CLYBL: variants seen among roughly 807,000 people sequenced by gnomAD.
CLYBL encodes the protein citramalyl-CoA lyase, mitochondrial.
In CLYBL, 31 loss-of-function variants were observed where a neutral mutation model predicts 38.9. The observed-to-expected ratio is 0.80, with a 90% confidence interval of 0.60 to 1.08. The LOEUF (loss-of-function observed/expected upper bound fraction) is 1.08. CLYBL is among the 50% of genes least tolerant of loss of function. The pLI is 0.00. For missense variants in CLYBL, 434 were observed against 411.6 expected (o/e 1.05, Z -0.47); for synonymous variants, 171 against 158.6 (o/e 1.08, Z -0.59).
chr13:99,716,792 T>TTTTC (rs1467273099), intron 1 of CLYBL, among the ~76,000 whole-genome samples: 25 of 143,180 alleles, frequency 1.7e-4, no homozygotes, highest in African/African-American at 6.1e-4. Flanking sequence ...CTTTTCTTTT[T>TTTTC]TTTTTTTTTT....
chr13:99,714,381 C>T (rs552578934), intron 1 of CLYBL, among the ~76,000 whole-genome samples: 1 of 152,140 alleles, frequency 6.6e-6, no homozygotes, highest in African/African-American at 2.4e-5. Flanking sequence ...CTTTGGGAGG[C>T]CGAGGTGGGC....
chr13:99,859,177 G>A (rs568167669), intron 3 of CLYBL, 128 bp downstream of exon 3: 1 of 659,172 alleles, frequency 1.5e-6, no homozygotes, highest in Non-Finnish European at 2.4e-6. Context: ...TTGAGAAAAA[G>A]CAGTAAGCTC....
At chr13:99,817,489 A>G (rs967369360) in intron 2 of CLYBL, among the ~76,000 whole-genome samples, 1 of 151,822 alleles carries the variant, frequency 6.6e-6, no homozygotes, top group African/African-American at 2.4e-5. Flanking sequence ...CCCCGTCTCT[A>G]CTAAAAATAC....
At chr13:99,660,353 G>A (rs929912989) in intron 1 of CLYBL, among the ~76,000 whole-genome samples, 18 of 152,124 alleles carry the variant, frequency 1.2e-4, no homozygotes, top group Non-Finnish European at 2.6e-4. Flanking sequence ...TAACTGCCTC[G>A]GTTTCCACTT....
At chr13:99,694,282 A>G (rs1028080041) in intron 1 of CLYBL, among the ~76,000 whole-genome samples, 1 of 152,208 alleles carries the variant, frequency 6.6e-6, no homozygotes, top group Non-Finnish European at 1.5e-5. Flanking sequence ...AACATCAGTC[A>G]TTGAGGGTCA....
intron 2 of CLYBL, among the ~76,000 whole-genome samples, chr13:99,828,394 C>T (rs1490582439): frequency 6.6e-6 from 1 of 152,208 alleles, no homozygotes; most frequent in Non-Finnish European, 1.5e-5. Flanking sequence ...ACAGAAACAG[C>T]TCAATTTATC....
chr13:99,902,511 C>CT (rs2052653959), intron 8 of CLYBL, among the ~76,000 whole-genome samples: 1 of 152,122 alleles, frequency 6.6e-6, no homozygotes, highest in South Asian at 2.1e-4. Flanking sequence ...CGCCACTGGC[C>CT]TTTTTTCTCT....
chr13:99,792,869 A>G (rs1355107312), intron 2 of CLYBL, among the ~76,000 whole-genome samples: 1 of 152,122 alleles, frequency 6.6e-6, no homozygotes, highest in Non-Finnish European at 1.5e-5. Flanking sequence ...AATATCATTC[A>G]AAGTTATTGG....
At chr13:99,900,192 G>A (rs1449826475), downstream of CLYBL, among the ~76,000 whole-genome samples, 1 of 111,124 alleles carries the variant, frequency 9.0e-6, no homozygotes, top group Non-Finnish European at 2.3e-5. Flanking sequence ...CTCCCAAAGT[G>A]CTGGGATTAC....
chr13:99,901,647 TTTTTTTTTTTG>T (rs2052644734), downstream of CLYBL, among the ~76,000 whole-genome samples: 11 of 120,674 alleles, frequency 9.1e-5, no homozygotes, highest in South Asian at 2.6e-3. Context: ...ATTTTTTTGT[TTTTTTTTTTTG>T]TTTGTTTGTT....
At chr13:99,646,196 A>G (rs2047173426) in intron 1 of CLYBL, among the ~76,000 whole-genome samples, 1 of 152,204 alleles carries the variant, frequency 6.6e-6, no homozygotes, top group Admixed American at 6.5e-5. Context: ...GGATCCTGTC[A>G]TAATCAGGCA....
intron 1 of CLYBL, among the ~76,000 whole-genome samples, chr13:99,706,365 A>G (rs2048147138): frequency 1.3e-5 from 2 of 152,204 alleles, no homozygotes; most frequent in Admixed American, 6.5e-5. Flanking sequence ...TTGTAAATTC[A>G]TTCTTCCACC....
At chr13:99,828,767 C>G (rs556741860) in intron 2 of CLYBL, among the ~76,000 whole-genome samples, 5 of 152,142 alleles carry the variant, frequency 3.3e-5, no homozygotes, top group African/African-American at 1.2e-4. Flanking sequence ...ATTTAGAAAG[C>G]CTTTTCATGT....
chr13:99,858,868 C>A lies in CLYBL; in HGVS notation c.257C>A (p.Ala86Asp). The A allele has an allele frequency of 6.3e-7, 1 of 1,599,422 alleles. No homozygotes were observed. Among genetic ancestry groups the A allele is most frequent in the Admixed American group, 1.8e-5 (1 of 56,576 alleles). ...DGVAANKKNE[A>D]RLRIVKTLED... ...TTTTATTGACACTTACAGAATGAAG[C>A]TCGACTGAGAATTGTAAAAACTCTT... is the stretch of plus-strand genomic sequence containing the variant. The change falls in exon 3 of 9, where the codon GCT becomes GAT. Residue 86 changes from alanine (A) to aspartate (D), a missense_variant. Ala to Asp is a moderately radical substitution (Grantham distance 126). Transcript: ENST00000339105.
At chr13:99,730,829 T>C (rs557639187) in intron 1 of CLYBL, among the ~76,000 whole-genome samples, 2 of 152,198 alleles carry the variant, frequency 1.3e-5, no homozygotes, top group East Asian at 3.9e-4. Context: ...ACGCCTGTAA[T>C]CCTAGCACTT....
chr13:99,901,421 G>T (rs545151481), downstream of CLYBL, among the ~76,000 whole-genome samples: 2 of 152,206 alleles, frequency 1.3e-5, no homozygotes, highest in African/African-American at 2.4e-5. Context: ...TGAGCTGCTT[G>T]CAGGACATTC....
At chr13:99,809,694 G>A (rs528257325) in intron 2 of CLYBL, among the ~76,000 whole-genome samples, 14 of 152,372 alleles carry the variant, frequency 9.2e-5, no homozygotes, top group South Asian at 4.1e-4. Context: ...AGGGTGTGAC[G>A]GCTGGCGCCT....
chr13:99,898,096 A>T (rs981665594), downstream of CLYBL, among the ~76,000 whole-genome samples: 1 of 152,226 alleles, frequency 6.6e-6, no homozygotes, highest in Non-Finnish European at 1.5e-5. Context: ...GAGGCCGAAC[A>T]CTGGCTATGT....
intron 2 of CLYBL, among the ~76,000 whole-genome samples, chr13:99,801,109 G>A (rs2050127267): frequency 6.6e-6 from 1 of 152,234 alleles, no homozygotes. Context: ...CTTAGTATAG[G>A]CCTTGAGCTG....
Sources: allele counts gnomAD v4.1 joint callset (sites outside exome capture counted in the v4.1 genomes callset), GRCh38; gene constraint gnomAD v4.1.1; transcripts MANE v1.5; gene names NCBI Gene and HGNC (gene_info 2026-07-23, HGNC 2026-07-21).